Variants in COL5A2 observed in about 807,000 individuals in gnomAD.
COL5A2 encodes the protein collagen type V alpha 2 chain, also known as collagen alpha-2(V) chain.
Under a neutral mutation model 208.2 loss-of-function variants are expected in COL5A2, and 23 were observed. The observed-to-expected ratio is 0.11, with a 90% CI of 0.08 to 0.16. COL5A2 has a LOEUF of 0.16. COL5A2 is among the 10% of genes least tolerant of loss of function. The probability of loss-of-function intolerance (pLI) is 1.00; values close to 1 mark genes in which losing one functional copy is unlikely to be tolerated. For synonymous variants in COL5A2, 625 were observed against 628.5 expected (o/e 0.99, Z 0.08); for missense variants, 1,590 against 1,956.4 (o/e 0.81, Z 3.53).
chr2:189,161,716 G>T (rs753190769), intron 1 of COL5A2, among the ~76,000 whole-genome samples: 1 of 152,174 alleles, frequency 6.6e-6, no homozygotes, highest in Non-Finnish European at 1.5e-5. Context: ...ACTGGAGCTG[G>T]ATCTGACTTT....
At chr2:189,409,204 CT>C in the COL5A2 span, among the ~76,000 whole-genome samples, 2,101 of 92,052 alleles carry the variant, frequency 0.023, 49 homozygotes, top group African/African-American at 0.074. Flanking sequence ...TAAATTTACT[CT>C]TTTTTTTTTT....
chr2:189,382,354 T>A, the COL5A2 span, among the ~76,000 whole-genome samples: 3 of 151,882 alleles, frequency 2.0e-5, no homozygotes, highest in Non-Finnish European at 2.9e-5. Flanking sequence ...TAAGACCTTG[T>A]CTCAAAAAAT....
chr2:189,231,227 T>C, the COL5A2 span, among the ~76,000 whole-genome samples: 1 of 150,244 alleles, frequency 6.7e-6, no homozygotes, highest in Non-Finnish European at 1.5e-5. Flanking sequence ...TCATGCAAGA[T>C]GAAAAACTTC....
chr2:189,213,502 T>A (rs1689241532), intron 1 of COL5A2, among the ~76,000 whole-genome samples: 1 of 152,118 alleles, frequency 6.6e-6, no homozygotes, highest in South Asian at 2.1e-4. Flanking sequence ...AATTTAACTC[T>A]GATCAAGTCT....
intron 1 of COL5A2, among the ~76,000 whole-genome samples, chr2:189,174,509 G>C (rs959206258): frequency 6.6e-6 from 1 of 152,030 alleles, no homozygotes; most frequent in Non-Finnish European, 1.5e-5. Flanking sequence ...TGTAGCCTCG[G>C]AACATAAAAG....
intron 16 of COL5A2, among the ~76,000 whole-genome samples, chr2:189,077,143 C>A (rs551493311): frequency 6.6e-6 from 1 of 152,140 alleles, no homozygotes; most frequent in African/African-American, 2.4e-5. Flanking sequence ...GTGGCCCATT[C>A]CCCCCATTAA....
At chr2:189,084,104 A>C in intron 11 of COL5A2, 67 bp from the exon 12 acceptor site, 1 of 1,054,124 alleles carries the variant, frequency 9.5e-7, no homozygotes, top group Admixed American at 1.7e-5. Context: ...TCTGAAACTA[A>C]ATGATAAATA....
intron 45 of COL5A2, among the ~76,000 whole-genome samples, chr2:189,046,437 T>G (rs981348409): frequency 1.3e-5 from 2 of 152,222 alleles, no homozygotes. Context: ...AATCTTATTA[T>G]GATGCAATGT....
chr2:189,250,166 T>G, the COL5A2 span, among the ~76,000 whole-genome samples: 2 of 152,164 alleles, frequency 1.3e-5, no homozygotes, highest in African/African-American at 4.8e-5. Context: ...ATGAAACACA[T>G]AGCAGCAGCA....
chr2:189,378,911 A>G, the COL5A2 span, among the ~76,000 whole-genome samples: 1 of 152,152 alleles, frequency 6.6e-6, no homozygotes, highest in African/African-American at 2.4e-5. Context: ...AAATCTTATG[A>G]CTATTATTTA....
At chr2:189,189,529 A>T (rs1226715864) in intron 1 of COL5A2, among the ~76,000 whole-genome samples, 2 of 152,128 alleles carry the variant, frequency 1.3e-5, no homozygotes, top group Admixed American at 1.3e-4. Context: ...AAAACAAATA[A>T]TAATAATAAA....
At chr2:189,384,984 T>C in the COL5A2 span, among the ~76,000 whole-genome samples, 1 of 152,232 alleles carries the variant, frequency 6.6e-6, no homozygotes, top group Non-Finnish European at 1.5e-5. Flanking sequence ...ATAATCTTTT[T>C]TAAGCAGCAT....
chr2:189,282,445 G>A, the COL5A2 span, among the ~76,000 whole-genome samples: 1 of 152,108 alleles, frequency 6.6e-6, no homozygotes, highest in Non-Finnish European at 1.5e-5. Context: ...AAGTAGAAAC[G>A]TTGGAAATAA....
the COL5A2 span, among the ~76,000 whole-genome samples, chr2:189,240,346 G>A: frequency 6.6e-6 from 1 of 152,098 alleles, no homozygotes; most frequent in Non-Finnish European, 1.5e-5. Context: ...TTCTCACATG[G>A]CAAAGAGAGA....
At chr2:189,376,739 ATTTTACCT>A in the COL5A2 span, among the ~76,000 whole-genome samples, 1 of 152,138 alleles carries the variant, frequency 6.6e-6, no homozygotes, top group Admixed American at 6.5e-5. Flanking sequence ...TGAAATAAAT[ATTTTACCT>A]TTCCCTTGGT....
intron 1 of COL5A2, among the ~76,000 whole-genome samples, chr2:189,126,364 T>C (rs1687607319): frequency 6.6e-6 from 1 of 152,090 alleles, no homozygotes; most frequent in Non-Finnish European, 1.5e-5. Flanking sequence ...ATTTTTATTT[T>C]AAAATGTTAA....
At chr2:189,131,039 A>G (rs1192658719) in intron 1 of COL5A2, among the ~76,000 whole-genome samples, 2 of 152,130 alleles carry the variant, frequency 1.3e-5, no homozygotes, top group African/African-American at 4.8e-5. Context: ...AAAATTCAGC[A>G]AGGTAAAGAC....
the COL5A2 span, among the ~76,000 whole-genome samples, chr2:189,238,909 TC>T: frequency 1.3e-5 from 2 of 152,100 alleles, no homozygotes; most frequent in Non-Finnish European, 2.9e-5. Flanking sequence ...CAAGTTATAA[TC>T]AGAGGTCAGG....
chr2:189,312,656 G>A, the COL5A2 span, among the ~76,000 whole-genome samples: 3 of 152,208 alleles, frequency 2.0e-5, no homozygotes, highest in South Asian at 2.1e-4. Flanking sequence ...ATCTAGAGTC[G>A]CCAGCCACCT....
Sources: allele counts gnomAD v4.1 joint callset (sites outside exome capture counted in the v4.1 genomes callset), GRCh38; gene constraint gnomAD v4.1.1; transcripts MANE v1.5; gene names NCBI Gene and HGNC (gene_info 2026-07-23, HGNC 2026-07-21).